GLT1D1: variants seen among roughly 807,000 people sequenced by gnomAD.
The protein encoded by GLT1D1 is glycosyltransferase 1 domain containing 1, also known as glycosyltransferase 1 domain-containing protein 1.
GLT1D1 carries 21 observed loss-of-function variants against 28.7 expected under a neutral mutation model. The observed-to-expected ratio is 0.73, with a 90% confidence interval of 0.52 to 1.05. The LOEUF (loss-of-function observed/expected upper bound fraction) is 1.05. Ranked by LOEUF, GLT1D1 falls within the 50% of genes least tolerant of loss-of-function variation. The pLI, the probability that GLT1D1 is intolerant of heterozygous loss-of-function variation, is 0.00. For missense variants in GLT1D1, 343 were observed against 330.6 expected (o/e 1.04, Z -0.29); for synonymous variants, 147 against 124.8 (o/e 1.18, Z -1.19).
At chr12:128,958,830 C>CTTTTTTT (rs71072432) in intron 7 of GLT1D1, among the ~76,000 whole-genome samples, 6 of 83,856 alleles carry the variant, frequency 7.2e-5, no homozygotes, top group Non-Finnish European at 8.2e-5. Context: ...AAATAAAAAT[C>CTTTTTTT]TTTTTTTTTT....
chr12:128,970,158 G>A (rs1878894218), intron 7 of GLT1D1, among the ~76,000 whole-genome samples: 1 of 152,204 alleles, frequency 6.6e-6, no homozygotes, highest in African/African-American at 2.4e-5. Context: ...ACTGGTAGAA[G>A]CCGGGCCAGG....
intron 4 of GLT1D1, among the ~76,000 whole-genome samples, chr12:128,915,629 C>T (rs1872034098): frequency 6.6e-6 from 1 of 152,114 alleles, no homozygotes; most frequent in Admixed American, 6.5e-5. Flanking sequence ...TCCCAAAGTG[C>T]TGGGAATCCA....
At chr12:128,973,908 TGTGTGTAGGGG>T (rs1156812350) in intron 7 of GLT1D1, among the ~76,000 whole-genome samples, 28,825 of 113,686 alleles carry the variant, frequency 0.25, 3,393 homozygotes, top group Non-Finnish European at 0.32. Flanking sequence ...GTGTAGGGGG[TGTGTGTAGGGG>T]GTGTGTGTGT....
At chr12:128,968,440 G>A (rs1228076981) in intron 7 of GLT1D1, among the ~76,000 whole-genome samples, 1 of 151,780 alleles carries the variant, frequency 6.6e-6, no homozygotes, top group Non-Finnish European at 1.5e-5. Flanking sequence ...GGAGGCTGAG[G>A]CAGGTGGATC....
intron 7 of GLT1D1, among the ~76,000 whole-genome samples, chr12:128,970,087 T>G (rs1878886865): frequency 6.6e-6 from 1 of 152,128 alleles, no homozygotes; most frequent in African/African-American, 2.4e-5. Flanking sequence ...AGGAATCAGC[T>G]CCGAAGGCCG....
chr12:128,927,114 A>C (rs763317884), intron 4 of GLT1D1: 1 of 1,535,810 alleles, frequency 6.5e-7, no homozygotes. Context: ...GCCTGGCATC[A>C]GGAGGAGCCC....
intron 4 of GLT1D1, among the ~76,000 whole-genome samples, chr12:128,923,919 A>G (rs1872913459): frequency 6.6e-6 from 1 of 151,878 alleles, no homozygotes; most frequent in African/African-American, 2.4e-5. Context: ...TTTATTACAA[A>G]ATTAAACATA....
At chr12:128,962,730 C>T (rs945722816) in intron 7 of GLT1D1, among the ~76,000 whole-genome samples, 2 of 152,146 alleles carry the variant, frequency 1.3e-5, no homozygotes, top group African/African-American at 4.8e-5. Context: ...GAGATTGAGT[C>T]TCCCTCTGTT....
intron 4 of GLT1D1, chr12:128,907,010 G>A (rs1032710728): frequency 2.7e-5 from 19 of 700,494 alleles, no homozygotes; most frequent in South Asian, 6.0e-5. Context: ...AATGAGCTGC[G>A]TGTCTCCTTA....
In GLT1D1 at chr12:128,912,873, T is replaced by G. The variant is rs77432527; in HGVS notation, c.375+13586T>G. ...CTTGTAGAAATGGGGTTTCGCCATG[T>G]TGCCCAGGTTGGTCTTGAACTCCTG... On this transcript the variant is annotated intron_variant, in intron 4 of 7. Transcript: ENST00000281703. 4.5e-4 allele frequency among the ~76,000 whole-genome samples: 69 copies of G among 152,292 alleles called. 1 individual carries two copies. In the East Asian group the frequency reaches 0.013, roughly 29 times the overall value.
intron 7 of GLT1D1, among the ~76,000 whole-genome samples, chr12:128,973,976 T>C (rs1388164486): frequency 2.0e-5 from 3 of 147,668 alleles, no homozygotes; most frequent in African/African-American, 7.6e-5. Context: ...TGATCTGTGC[T>C]CCACACCACA....
Position 128,932,964 on chromosome 12 carries a change from C to A in GLT1D1, c.376-12362C>A, listed in dbSNP as rs528783477. On this transcript the variant is annotated intron_variant, in intron 4 of 7. Transcript: ENST00000281703. ...TCGCGGAGTCTAAGAAATTACAAGCCCCTTCCAACAACTTATTTATTCTGG... is the reference window on the plus strand; with the variant it reads ...TCGCGGAGTCTAAGAAATTACAAGCACCTTCCAACAACTTATTTATTCTGG... Among the ~76,000 whole-genome samples, 5 of 152,286 alleles carry A rather than the reference C, an allele frequency of 3.3e-5. No individual in the cohort carries two copies. In the South Asian group the frequency reaches 1.0e-3, roughly 32 times the overall value.
At chr12:128,867,177 T>C (rs1307868331) in intron 1 of GLT1D1, among the ~76,000 whole-genome samples, 1 of 150,930 alleles carries the variant, frequency 6.6e-6, no homozygotes. Context: ...GCGGATCACC[T>C]GAGGTCAGGA....
rs963578024 is a variant in GLT1D1, at chr12:128,983,857, G to T, written c.*767G>T. ...GTGGGCTCTTCCCCTTCCCACATCAGGGACCCGGGGATGGATGTCGGAAGG... is the reference window on the plus strand; with the variant it reads ...GTGGGCTCTTCCCCTTCCCACATCATGGACCCGGGGATGGATGTCGGAAGG... On this transcript the variant is annotated 3_prime_UTR_variant, in exon 8 of 8. Coordinates refer to ENST00000281703, the MANE Select transcript of GLT1D1 (RefSeq NM_144669.3). This position sits in a 1 kb window ranked among gnomAD's most constrained non-coding sequence, Gnocchi z 4.7. The T allele has an allele frequency of 1.1e-4, 17 of 152,370 alleles. No homozygotes were observed. Among genetic ancestry groups the T allele is most frequent in the African/African-American group, 3.6e-4 (15 of 41,580 alleles). 9.4% of individuals were successfully genotyped at this position (152,370 alleles called of 1,614,324 possible).
intron 4 of GLT1D1, among the ~76,000 whole-genome samples, chr12:128,930,890 A>G (rs1593148268): frequency 6.6e-6 from 1 of 152,070 alleles, no homozygotes; most frequent in South Asian, 2.1e-4. Flanking sequence ...ATGGCTTCTT[A>G]AGTAATAGTC....
intron 5 of GLT1D1, 152 bp from the exon 10 acceptor site, chr12:128,947,186 A>G (rs942092861): frequency 2.6e-6 from 2 of 777,330 alleles, no homozygotes; most frequent in Non-Finnish European, 4.2e-6. Flanking sequence ...AAGGATTTCC[A>G]CCCCAGTATA....
intron 7 of GLT1D1, among the ~76,000 whole-genome samples, chr12:128,977,454 T>A (rs1438352673): frequency 6.6e-6 from 1 of 152,138 alleles, no homozygotes; most frequent in Non-Finnish European, 1.5e-5. Flanking sequence ...TTTTGTTTAC[T>A]TTGCTGTATT....
intron 1 of GLT1D1, among the ~76,000 whole-genome samples, chr12:128,858,265 A>G (rs1956272595): frequency 6.6e-6 from 1 of 152,198 alleles, no homozygotes; most frequent in South Asian, 2.1e-4. Flanking sequence ...ACTCTGGCAT[A>G]ACATTATGAG....
chr12:128,874,058 T>TC, intron 1 of GLT1D1, among the ~76,000 whole-genome samples: 2 of 24,486 alleles, frequency 8.2e-5, no homozygotes, highest in African/African-American at 4.0e-4. Context: ...CCTCCCTCCC[T>TC]CCTTTCTTTC....
Sources: gnomAD v4.1 joint callset for allele counts (sites outside exome capture counted in the v4.1 genomes callset) on GRCh38, gnomAD v4.1.1 for gene constraint, Gnocchi (gnomAD v3.1) non-coding constraint, MANE v1.5 for transcripts, NCBI Gene and HGNC (gene_info 2026-07-23, HGNC 2026-07-21) for gene names.